The following UGT1A6 variants were observed in gnomAD, a reference collection of about 807,000 sequenced individuals.
UGT1A6 encodes the protein UDP glucuronosyltransferase family 1 member A6.
In UGT1A6, 32 loss-of-function variants were observed where a neutral mutation model predicts 44.4. The ratio of observed to expected loss-of-function variants is 0.72; its 90% CI spans 0.54 to 0.97. The LOEUF (loss-of-function observed/expected upper bound fraction) is 0.97. UGT1A6 is among the 50% of genes least tolerant of loss of function. The pLI, the probability that UGT1A6 is intolerant of heterozygous loss-of-function variation, is 0.00. For missense variants in UGT1A6, 685 were observed against 661.9 expected (o/e 1.03, Z -0.38); for synonymous variants, 238 against 248.5 (o/e 0.96, Z 0.40).
chr2:233,761,815 G>A (rs928491400), intron 1 of UGT1A6, among the ~76,000 whole-genome samples: 1 of 152,190 alleles, frequency 6.6e-6, no homozygotes, highest in African/African-American at 2.4e-5. Context: ...GAACAGGAGA[G>A]GCTCCTTCAG....
chr2:233,760,729 A>G lies in UGT1A6; in HGVS notation c.862-6305A>G, dbSNP rs1289728507. On this transcript the variant is annotated intron_variant, in intron 1 of 4. Coordinates refer to ENST00000305139, the MANE Select transcript of UGT1A6 (RefSeq NM_001072.4). ...CCTGGCAGAAAGCAGCTTTGATGTCATGCTGACGGACCCTTTCCTTCCTTG... is the reference window on the plus strand; with the variant it reads ...CCTGGCAGAAAGCAGCTTTGATGTCGTGCTGACGGACCCTTTCCTTCCTTG... 1.9e-6 allele frequency: 3 copies of G among 1,614,196 alleles called. No individual in the cohort carries two copies. The Admixed American group carries it at 5.0e-5, about 27-fold the overall frequency.
At chr2:233,756,741 CCTT>C (rs1339727663) in intron 1 of UGT1A6, among the ~76,000 whole-genome samples, 3 of 152,100 alleles carry the variant, frequency 2.0e-5, no homozygotes, top group African/African-American at 7.2e-5. Context: ...TTCACCTCCT[CCTT>C]ATTCTCTTTT....
chr2:233,770,519 A>G (rs1327661350), intron 4 of UGT1A6: 1 of 152,120 alleles, frequency 6.6e-6, no homozygotes, highest in Non-Finnish European at 1.5e-5. Flanking sequence ...TTACCCAGGC[A>G]TGGTGGTGTA....
intron 1 of UGT1A6, chr2:233,719,396 C>T: frequency 6.2e-7 from 1 of 1,613,966 alleles, no homozygotes; most frequent in Non-Finnish European, 8.5e-7. Flanking sequence ...ATCCTTCCTC[C>T]TATATTCCTA....
At position 233,768,369 on chromosome 2, in the gene UGT1A6, A is replaced by T. The variant is rs1156645272; in HGVS notation, c.1231A>T (p.Thr411Ser). 8.1e-6 allele frequency: 13 copies of T among 1,614,034 alleles called. No homozygotes were observed. The South Asian group carries it at 1.1e-4, about 14-fold the overall frequency. Residue 411 changes from threonine to serine, a missense_variant, in exon 4 of 5, where the codon ACC (threonine) becomes TCC (serine). Thr to Ser is a moderately conservative substitution (Grantham distance 58). Coordinates refer to ENST00000305139, the MANE Select transcript of UGT1A6 (RefSeq NM_001072.4). ...CATGGAGACTAAGGGAGCTGGAGTG[A>T]CCCTGAATGTTCTGGAAATGACTTC... Reference protein sequence around the residue: ...KRMETKGAGVTLNVLEMTSED... With the variant: ...KRMETKGAGVSLNVLEMTSED...
intron 1 of UGT1A6, chr2:233,755,127 T>C: frequency 7.6e-7 from 1 of 1,323,488 alleles, no homozygotes; most frequent in Non-Finnish European, 1.0e-6. Context: ...CTCAGCCACC[T>C]GCTTGAATCT....
intron 1 of UGT1A6, among the ~76,000 whole-genome samples, chr2:233,762,202 T>C (rs1698001296): frequency 2.0e-5 from 3 of 152,160 alleles, no homozygotes; most frequent in Admixed American, 1.3e-4. Flanking sequence ...GGTCTGCATG[T>C]ATTTGGCGCC....
At chr2:233,714,474 A>G (rs2076389157) in intron 1 of UGT1A6, among the ~76,000 whole-genome samples, 1 of 152,148 alleles carries the variant, frequency 6.6e-6, no homozygotes, top group African/African-American at 2.4e-5. Context: ...GTAATAGGAG[A>G]ATGTTTCTTG....
chr2:233,762,695 CT>C lies in UGT1A6; in HGVS notation c.862-4335del, dbSNP rs571184142. Among the ~76,000 whole-genome samples, 40 of 148,314 alleles carry C rather than the reference CT, an allele frequency of 2.7e-4. No individual in the cohort carries two copies. The South Asian group carries it at 8.3e-3, about 31-fold the overall frequency. ...TTTGTTCTGTTTCTTTCTCATTCAT[CT>C]TTTCTTAAGTATTTTACACGGTTTT... On this transcript the variant is annotated intron_variant, in intron 1 of 4. Coordinates refer to ENST00000305139, the MANE Select transcript of UGT1A6 (RefSeq NM_001072.4).
rs996102742 is a variant in UGT1A6 at position 233,755,058 on chromosome 2, G to A, written c.862-11976G>A. The A allele has an allele frequency of 3.7e-6, 5 of 1,333,560 alleles. No homozygotes were observed. In the African/African-American group the frequency reaches 6.0e-5, roughly 16 times the overall value. The allele number at this position is 1,333,560 out of a possible 1,614,324, so 82.6% of individuals were successfully genotyped here. On this transcript the variant is annotated intron_variant, in intron 1 of 4. Transcript: ENST00000305139. The stretch of plus-strand genomic sequence containing the variant: ...GCCTGCGCAGCCGCCCTCCGCCCTC[G>A]CCTCGCCATAGCGGTCATAGATATC...
intron 1 of UGT1A6, among the ~76,000 whole-genome samples, chr2:233,762,865 T>G (rs1473495061): frequency 6.6e-6 from 1 of 152,238 alleles, no homozygotes; most frequent in Non-Finnish European, 1.5e-5. Context: ...TAAAGAAATT[T>G]TGGTTTCTTC....
chr2:233,692,620 A>G (rs1324523503), upstream of UGT1A6, among the ~76,000 whole-genome samples: 1 of 152,200 alleles, frequency 6.6e-6, no homozygotes, highest in Non-Finnish European at 1.5e-5. Flanking sequence ...CACATCATGG[A>G]CATAACAGAC....
Position 233,729,503 on chromosome 2 carries a change from G to A in UGT1A6, c.861+35638G>A, listed in dbSNP as rs1346769357. 1.4e-5 allele frequency: 22 copies of A among 1,614,052 alleles called. No individual in the cohort carries two copies. Among genetic ancestry groups the A allele is most frequent in the Non-Finnish European group, 1.8e-5 (21 of 1,180,050 alleles). Reference sequence around the variant, plus strand: ...AACAATATGTCTTTGGTCTATCATAGGTCTTGTGTGGAGCTACTACATAAT... The same window carrying A: ...AACAATATGTCTTTGGTCTATCATAAGTCTTGTGTGGAGCTACTACATAAT... On this transcript the variant is annotated intron_variant, in intron 1 of 4. Coordinates refer to ENST00000305139, the MANE Select transcript of UGT1A6 (RefSeq NM_001072.4).
intron 1 of UGT1A6, among the ~76,000 whole-genome samples, chr2:233,765,845 C>T (rs1255338105): frequency 6.6e-6 from 1 of 152,028 alleles, no homozygotes; most frequent in East Asian, 1.9e-4. Context: ...TCCTTGTCCC[C>T]CTCACAGAGC....
At chr2:233,764,092 C>T (rs973147823) in intron 1 of UGT1A6, among the ~76,000 whole-genome samples, 2 of 152,148 alleles carry the variant, frequency 1.3e-5, no homozygotes, top group African/African-American at 4.8e-5. Context: ...AAAGCCTAAA[C>T]TAAAAATACA....
At chr2:233,745,324 G>C (rs1405359203) in intron 1 of UGT1A6, among the ~76,000 whole-genome samples, 1 of 151,812 alleles carries the variant, frequency 6.6e-6, no homozygotes, top group African/African-American at 2.4e-5. Flanking sequence ...CACTAGAACT[G>C]CTATATCATG....
In UGT1A6 at chr2:233,701,537, A is replaced by G. The variant is rs968606344; in HGVS notation, c.861+7672A>G. On this transcript the variant is annotated intron_variant, in intron 1 of 4. Transcript: ENST00000305139. ...ACTCTCCACCCCAAATCAACAGAATATACATTCTTTTCAGCACCACACCAC... is the reference window on the plus strand; with the variant it reads ...ACTCTCCACCCCAAATCAACAGAATGTACATTCTTTTCAGCACCACACCAC... Among the ~76,000 whole-genome samples the G allele has an allele frequency of 9.2e-5, 14 of 152,292 alleles. No individual in the cohort carries two copies. The East Asian group carries it at 9.6e-4, about 10-fold the overall frequency.
chr2:233,733,177 G>T (rs2078363766), intron 1 of UGT1A6, among the ~76,000 whole-genome samples: 1 of 152,226 alleles, frequency 6.6e-6, no homozygotes, highest in Non-Finnish European at 1.5e-5. Flanking sequence ...GGACTTTGCT[G>T]AAGTTGCTTA....
chr2:233,719,808 A>G (rs2125672153), intron 1 of UGT1A6: 1 of 1,592,844 alleles, frequency 6.3e-7, no homozygotes, highest in Non-Finnish European at 8.5e-7. Context: ...TGGCTTCTTT[A>G]TAACAGATAA....
Sources: gnomAD v4.1 joint callset for allele counts (sites outside exome capture counted in the v4.1 genomes callset) on GRCh38, gnomAD v4.1.1 for gene constraint, MANE v1.5 for transcripts, NCBI Gene and HGNC (gene_info 2026-07-23, HGNC 2026-07-21) for gene names.